Variants in SNTG2 observed in about 807,000 individuals in gnomAD.
The protein encoded by SNTG2 is gamma-2-syntrophin.
SNTG2 carries 74 observed loss-of-function variants against 70.9 expected under a neutral mutation model. That is an observed-to-expected ratio of 1.04 (90% CI 0.86 to 1.27). The LOEUF is 1.27. Among genes scored for constraint, SNTG2 ranks in the 50% most tolerant of loss-of-function variants. SNTG2 has a pLI of 0.00. For missense variants in SNTG2, 717 were observed against 690.7 expected, an observed-to-expected ratio of 1.04 and a Z score of -0.43; for synonymous variants, 278 against 273.8, an observed-to-expected ratio of 1.02 and a Z score of -0.15.
At chr2:1,181,660 T>C (rs1671907161) in intron 8 of SNTG2, among the ~76,000 whole-genome samples, 4 of 152,150 alleles carry the variant, frequency 2.6e-5, no homozygotes, top group Non-Finnish European at 5.9e-5. Flanking sequence ...AGCTACCTTA[T>C]ATATTTGACA....
intron 14 of SNTG2, among the ~76,000 whole-genome samples, chr2:1,287,051 C>A (rs1181332569): frequency 1.3e-5 from 2 of 152,140 alleles, no homozygotes; most frequent in African/African-American, 4.8e-5. Context: ...ACAAAGCTTG[C>A]AGAAGGGCAG....
At chr2:1,260,130 C>A (rs181857233) in intron 13 of SNTG2, among the ~76,000 whole-genome samples, 1 of 152,168 alleles carries the variant, frequency 6.6e-6, no homozygotes, top group Non-Finnish European at 1.5e-5. Flanking sequence ...TTTAAATGTA[C>A]GTACCTTTTA....
chr2:1,061,158 A>T (rs967411712), intron 1 of SNTG2, among the ~76,000 whole-genome samples: 2 of 152,224 alleles, frequency 1.3e-5, no homozygotes, highest in African/African-American at 4.8e-5. Context: ...GACAGCATAG[A>T]GCCGCGTGAT....
chr2:1,085,410 T>C (rs1399953436), intron 2 of SNTG2, among the ~76,000 whole-genome samples: 1 of 152,244 alleles, frequency 6.6e-6, no homozygotes, highest in African/African-American at 2.4e-5. Flanking sequence ...AATGGGCCTA[T>C]GCTCATAGGT....
chr2:1,283,172 C>G (rs1482089127), intron 14 of SNTG2, among the ~76,000 whole-genome samples: 1 of 152,102 alleles, frequency 6.6e-6, no homozygotes, highest in African/African-American at 2.4e-5. Context: ...GAACTGTGGC[C>G]TCCTGCTACT....
At chr2:1,361,827 T>C (rs2148320205) in intron 16 of SNTG2, among the ~76,000 whole-genome samples, 2 of 150,070 alleles carry the variant, frequency 1.3e-5, no homozygotes, top group South Asian at 2.1e-4. Flanking sequence ...AGAACTTCCA[T>C]GAAAGTCACG....
chr2:1,028,353 C>T (rs1660611378), intron 1 of SNTG2, among the ~76,000 whole-genome samples: 2 of 152,260 alleles, frequency 1.3e-5, no homozygotes, highest in Admixed American at 1.3e-4. Context: ...TAAGCTCTGG[C>T]TGCACATCCT....
chr2:1,068,859 A>G lies in SNTG2; in HGVS notation c.73-14659A>G, dbSNP rs77305571. On this transcript the variant is annotated intron_variant, in intron 1 of 16. Transcript: ENST00000308624. ...AATTAAAAAGGACATTCAGCTTTCT[A>G]ATCATTCAGAGAAATGTCACTTATG... 7.9e-4 allele frequency among the ~76,000 whole-genome samples: 121 copies of G among 152,342 alleles called. 2 individuals carry two copies. The East Asian group carries it at 0.018, about 23-fold the overall frequency.
At chr2:1,220,530 CTG>C (rs1338443460) in intron 9 of SNTG2, among the ~76,000 whole-genome samples, 6 of 152,194 alleles carry the variant, frequency 3.9e-5, no homozygotes, top group African/African-American at 1.4e-4. Flanking sequence ...ATGTGGGACT[CTG>C]TGTTTTTCAG....
At chr2:1,072,141 A>G (rs1013113878) in intron 1 of SNTG2, among the ~76,000 whole-genome samples, 2 of 152,180 alleles carry the variant, frequency 1.3e-5, no homozygotes, top group Non-Finnish European at 2.9e-5. Flanking sequence ...ACACTCAACA[A>G]TAGATTTTCC....
In SNTG2 at chr2:1,118,899, A is replaced by G. The variant is rs558447190; in HGVS notation, c.326-18723A>G. The stretch of plus-strand genomic sequence containing the variant: ...GGAAGTTTTCAGTCTTGGGAGAGAT[A>G]TGGGCATTCAATTTCATGAAGCTCA... On this transcript the variant is annotated intron_variant, in intron 4 of 16. Transcript: ENST00000308624. Among the ~76,000 whole-genome samples, 43 of 152,322 alleles carry G rather than the reference A, an allele frequency of 2.8e-4. 1 individual carries two copies. The South Asian group carries it at 8.9e-3, about 32-fold the overall frequency.
intron 16 of SNTG2, among the ~76,000 whole-genome samples, chr2:1,321,182 T>C (rs1469005229): frequency 6.6e-6 from 1 of 152,188 alleles, no homozygotes; most frequent in African/African-American, 2.4e-5. Flanking sequence ...AGAAAATTGT[T>C]CCTACTATCA....
intron 1 of SNTG2, among the ~76,000 whole-genome samples, chr2:1,028,178 A>AAGCTCTGGC (rs1660597768): frequency 1.3e-5 from 2 of 148,246 alleles, no homozygotes; most frequent in African/African-American, 5.2e-5. Context: ...CACAATCACT[A>AAGCTCTGGC]TCCAGCAAGT....
intron 14 of SNTG2, 50 bp from the exon 15 acceptor site, chr2:1,308,444 T>G (rs1680812641): frequency 6.6e-7 from 1 of 1,504,536 alleles, no homozygotes; most frequent in East Asian, 2.5e-5. Context: ...TAATTAAAGT[T>G]AAACAGCATT....
At chr2:1,350,812 G>A (rs557467267) in intron 16 of SNTG2, among the ~76,000 whole-genome samples, 75 of 152,250 alleles carry the variant, frequency 4.9e-4, no homozygotes, top group African/African-American at 1.7e-3. Flanking sequence ...AGCCCAACAG[G>A]CTATAATGAC....
At chr2:1,185,461 G>T (rs1184248984) in intron 8 of SNTG2, among the ~76,000 whole-genome samples, 1 of 152,126 alleles carries the variant, frequency 6.6e-6, no homozygotes, top group Non-Finnish European at 1.5e-5. Flanking sequence ...CTCCATGAAG[G>T]CTTCTCCCCT....
At chr2:1,348,076 A>G (rs1385264467) in intron 16 of SNTG2, among the ~76,000 whole-genome samples, 1 of 152,150 alleles carries the variant, frequency 6.6e-6, no homozygotes, top group Non-Finnish European at 1.5e-5. Context: ...CTTGGCTCAA[A>G]CAAAGTCTCC....
At position 1,040,890 on chromosome 2, in the gene SNTG2, C is replaced by T. The variant is rs186022386; in HGVS notation, c.73-42628C>T. 6.6e-3 allele frequency among the ~76,000 whole-genome samples: 1,002 copies of T among 152,278 alleles called. 7 individuals are homozygous for T. The highest frequency in any genetic ancestry group is 0.011 in the Non-Finnish European group (764 of 68,022). ...GAGCCCGGCTGTGCCATCAGAGCAG[C>T]TGTTTGATTTCTGAGTTTGCTTCAT... On this transcript the variant is annotated intron_variant, in intron 1 of 16. Transcript: ENST00000308624.
chr2:1,202,046 C>G (rs1336535259), intron 8 of SNTG2, among the ~76,000 whole-genome samples: 21 of 152,020 alleles, frequency 1.4e-4, no homozygotes, highest in Non-Finnish European at 2.8e-4. Context: ...TAGACCTACA[C>G]TACAGGAAAT....
Sources: allele counts gnomAD v4.1 joint callset (sites outside exome capture counted in the v4.1 genomes callset), GRCh38; gene constraint gnomAD v4.1.1; transcripts MANE v1.5; gene names NCBI Gene and HGNC (gene_info 2026-07-23, HGNC 2026-07-21).